Variants in TMEM9 observed in about 807,000 individuals in gnomAD.
The protein encoded by TMEM9 is proton-transporting V-type ATPase complex assembly regulator TMEM9.
TMEM9 carries 13 observed loss-of-function variants against 22.8 expected under a neutral mutation model. The ratio of observed to expected loss-of-function variants is 0.57; its 90% CI spans 0.37 to 0.91. The LOEUF is 0.91. TMEM9 is among the 40% of genes least tolerant of loss of function. The pLI, the probability that TMEM9 is intolerant of heterozygous loss-of-function variation, is 0.01. For missense variants in TMEM9, 182 were observed against 238.1 expected, an observed-to-expected ratio of 0.76 and a Z score of 1.55; for synonymous variants, 88 against 93.0, an observed-to-expected ratio of 0.95 and a Z score of 0.31.
chr1:201,140,251 A>G (rs536056818), intron 4 of TMEM9, among the ~76,000 whole-genome samples: 7 of 152,362 alleles, frequency 4.6e-5, no homozygotes, highest in African/African-American at 1.7e-4. Flanking sequence ...AGACCTCTCC[A>G]GAGCTTGGGC....
At chr1:201,153,380 C>A (rs1173171929) in intron 1 of TMEM9, among the ~76,000 whole-genome samples, 3 of 152,264 alleles carry the variant, frequency 2.0e-5, no homozygotes, top group East Asian at 3.9e-4. Context: ...GTTTCATGCA[C>A]ACAATTATTG....
At chr1:201,159,235 A>T (rs1020696634), upstream of TMEM9, among the ~76,000 whole-genome samples, 3 of 152,226 alleles carry the variant, frequency 2.0e-5, no homozygotes, top group Non-Finnish European at 4.4e-5. Context: ...CTCTTATAGG[A>T]CATTGCCCTC....
intron 2 of TMEM9, among the ~76,000 whole-genome samples, chr1:201,147,489 T>A (rs1572117859): frequency 6.6e-6 from 1 of 152,350 alleles, no homozygotes; most frequent in Admixed American, 6.5e-5. Flanking sequence ...TAAAAATTCC[T>A]AGAATCCATC....
chr1:201,156,336 C>T, upstream of TMEM9, among the ~76,000 whole-genome samples: 1 of 152,190 alleles, frequency 6.6e-6, no homozygotes, highest in East Asian at 1.9e-4. Context: ...TAGCATTCTG[C>T]TCCCTGAAAT....
rs1343252842 is a variant in TMEM9, at chr1:201,151,804, T to C, written c.115A>G (p.Ile39Val). The C allele has an allele frequency of 5.6e-6, 9 of 1,613,914 alleles. No homozygotes were observed. Among genetic ancestry groups the C allele is most frequent in the Non-Finnish European group, 7.6e-6 (9 of 1,180,036 alleles). ...CKCICPPYRN[I>V]SGHIYNQNVS... ...TTCTGGTTGTAAATGTGCCCACTGA[T>C]GTTTCTATAAGGTGGACAGATGCAT... The change falls in exon 2 of 5, where the codon ATC (isoleucine) becomes GTC (valine). Residue 39 changes from isoleucine (I) to valine (V), a missense_variant. Physicochemically the swap from Ile to Val is conservative, Grantham distance 29. Transcript: ENST00000367330.
intron 4 of TMEM9, among the ~76,000 whole-genome samples, chr1:201,142,827 T>C (rs151120662): frequency 1.9e-4 from 29 of 152,332 alleles, no homozygotes; most frequent in African/African-American, 5.8e-4. Flanking sequence ...AGCTGGTACA[T>C]GAGCGCATAA....
intron 4 of TMEM9, among the ~76,000 whole-genome samples, chr1:201,138,948 C>G (rs906755249): frequency 6.6e-6 from 1 of 152,198 alleles, no homozygotes; most frequent in African/African-American, 2.4e-5. Flanking sequence ...GTATATTTCC[C>G]CACAGCTAGA....
intron 1 of TMEM9, among the ~76,000 whole-genome samples, chr1:201,166,291 G>A (rs1666076247): frequency 6.6e-6 from 1 of 151,422 alleles, no homozygotes; most frequent in Non-Finnish European, 1.5e-5. Context: ...CACTACCCAC[G>A]ATACTGTGTA....
chr1:201,155,722 T>C (rs1665772013), upstream of TMEM9, among the ~76,000 whole-genome samples: 1 of 152,176 alleles, frequency 6.6e-6, no homozygotes, highest in Non-Finnish European at 1.5e-5. Context: ...TTTGGGTGGT[T>C]TCCTTTAGGA....
chr1:201,139,571 C>T (rs548994832), intron 4 of TMEM9, among the ~76,000 whole-genome samples: 1 of 152,080 alleles, frequency 6.6e-6, no homozygotes, highest in Non-Finnish European at 1.5e-5. Context: ...CCCAGCCTCA[C>T]CTCCCCCCTT....
chr1:201,153,722 C>A, intron 1 of TMEM9, 136 bp downstream of exon 1: 1 of 1,550,536 alleles, frequency 6.4e-7, no homozygotes, highest in Non-Finnish European at 8.7e-7. Context: ...TGAAGGAAGA[C>A]CACTAAAAGA....
intron 3 of TMEM9, 59 bp downstream of exon 3, chr1:201,146,681 T>C (rs1466688416): frequency 4.6e-6 from 7 of 1,518,288 alleles, no homozygotes; most frequent in Non-Finnish European, 6.4e-6. Context: ...TGTAGGCCAG[T>C]CTGCGATTGG....
At chr1:201,138,999 A>G (rs995214402) in intron 4 of TMEM9, among the ~76,000 whole-genome samples, 1 of 152,230 alleles carries the variant, frequency 6.6e-6, no homozygotes, top group African/African-American at 2.4e-5. Context: ...TGCTCAGGAC[A>G]TCAAGCGAGG....
chr1:201,145,669 G>A (rs908946816), intron 3 of TMEM9: 1 of 152,202 alleles, frequency 6.6e-6, no homozygotes, highest in Non-Finnish European at 1.5e-5. Flanking sequence ...GGAACAGAAA[G>A]GGCTACATTA....
intron 4 of TMEM9, among the ~76,000 whole-genome samples, chr1:201,141,682 C>A (rs1391029525): frequency 6.6e-6 from 1 of 152,114 alleles, no homozygotes; most frequent in Non-Finnish European, 1.5e-5. Context: ...TGTGCTGCAG[C>A]CTATCACAGC....
intron 4 of TMEM9, among the ~76,000 whole-genome samples, chr1:201,139,330 C>A (rs989459494): frequency 3.9e-5 from 6 of 152,240 alleles, no homozygotes; most frequent in African/African-American, 1.4e-4. Context: ...AGCCCTTCAG[C>A]AAGAGGACTA....
At chr1:201,153,410 C>A (rs1665585641) in intron 1 of TMEM9, among the ~76,000 whole-genome samples, 1 of 152,152 alleles carries the variant, frequency 6.6e-6, no homozygotes, top group South Asian at 2.1e-4. Flanking sequence ...TATAAAATTA[C>A]CTTCGGGCTA....
At chr1:201,148,442 ACC>A (rs1468978584) in intron 2 of TMEM9, among the ~76,000 whole-genome samples, 1 of 152,122 alleles carries the variant, frequency 6.6e-6, no homozygotes, top group Non-Finnish European at 1.5e-5. Context: ...AAAAATCCAA[ACC>A]CCTTGGAGGT....
upstream of TMEM9, among the ~76,000 whole-genome samples, chr1:201,155,907 G>A (rs1665778419): frequency 6.6e-6 from 1 of 152,190 alleles, no homozygotes; most frequent in African/African-American, 2.4e-5. Context: ...CTCTATAAAT[G>A]GCAATGTTAG....
Sources: gnomAD v4.1 joint callset for allele counts (sites outside exome capture counted in the v4.1 genomes callset) on GRCh38, gnomAD v4.1.1 for gene constraint, MANE v1.5 for transcripts, NCBI Gene and HGNC (gene_info 2026-07-23, HGNC 2026-07-21) for gene names.